PLSCR2: variants seen among roughly 807,000 people sequenced by gnomAD.
PLSCR2 encodes the protein PL scramblase 2.
A neutral mutation model predicts 25.3 loss-of-function variants in PLSCR2; 18 were observed. The observed-to-expected ratio is 0.71, with a 90% CI of 0.49 to 1.06. The LOEUF (loss-of-function observed/expected upper bound fraction) is 1.06. Among genes scored for constraint, PLSCR2 ranks in the 50% least tolerant of loss-of-function variants. PLSCR2 has a pLI of 0.00. For synonymous variants in PLSCR2, 88 were observed against 87.3 expected (o/e 1.01, Z -0.04); for missense variants, 243 against 269.5 (o/e 0.90, Z 0.69).
At chr3:146,430,069 G>A (rs1211583111), downstream of PLSCR2, among the ~76,000 whole-genome samples, 1 of 152,062 alleles carries the variant, frequency 6.6e-6, no homozygotes, top group Non-Finnish European at 1.5e-5. Context: ...ATTTAAAAGG[G>A]AGGCAAAGTA....
chr3:146,478,716 A>C lies in PLSCR2; in HGVS notation c.-293+17179T>G, dbSNP rs558908171. ...CTTCCCCAACCTAGCAAGGCAGGCC[A>C]ATGTTCAAATTCAGGAAACATAGAG... On this transcript the variant is annotated intron_variant, in intron 1 of 8. Transcript: ENST00000336685. Among the ~76,000 whole-genome samples, 14 of 152,322 alleles carry C rather than the reference A, an allele frequency of 9.2e-5. 1 individual carries two copies. The East Asian group carries it at 2.5e-3, about 27-fold the overall frequency.
chr3:146,402,867 C>T (rs1226478980), intron 2 of PLSCR2, among the ~76,000 whole-genome samples: 1 of 152,106 alleles, frequency 6.6e-6, no homozygotes, highest in African/African-American at 2.4e-5. Context: ...ATGTTTCTAT[C>T]CTGTGCCAAC....
intron 1 of PLSCR2, among the ~76,000 whole-genome samples, chr3:146,472,070 T>C (rs2042137032): frequency 6.6e-6 from 1 of 152,244 alleles, no homozygotes; most frequent in Non-Finnish European, 1.5e-5. Flanking sequence ...TTCCAAGCAG[T>C]TGGGAATGTC....
chr3:146,422,415 C>T (rs1212718772), intron 2 of PLSCR2, among the ~76,000 whole-genome samples: 1 of 151,870 alleles, frequency 6.6e-6, no homozygotes, highest in Non-Finnish European at 1.5e-5. Flanking sequence ...CCTTTTTCTC[C>T]ACCCACCCAG....
chr3:146,445,801 G>A (rs928683978), intron 6 of PLSCR2, among the ~76,000 whole-genome samples: 1 of 151,946 alleles, frequency 6.6e-6, no homozygotes, highest in African/African-American at 2.4e-5. Context: ...TTTTGAGGCT[G>A]TTTTCTGGAT....
At chr3:146,449,224 A>G (rs2040746091) in exon 6 of PLSCR2, 1 of 1,612,854 alleles carries the variant, frequency 6.2e-7, no homozygotes, top group Non-Finnish European at 8.5e-7. Context: ...AACAGGCACC[A>G]ATCATCACGG....
intron 6 of PLSCR2, among the ~76,000 whole-genome samples, chr3:146,448,529 C>A (rs1378309951): frequency 6.6e-6 from 1 of 152,072 alleles, no homozygotes; most frequent in South Asian, 2.1e-4. Flanking sequence ...TGAAAGTTAC[C>A]CAGGTGTTTC....
intron 1 of PLSCR2, 78 bp downstream of exon 1, chr3:146,469,417 A>G (rs1050333783): frequency 2.2e-6 from 2 of 910,730 alleles, no homozygotes; most frequent in African/African-American, 3.6e-5. Flanking sequence ...AAACACAATT[A>G]TGGGGCGGAG....
intron 2 of PLSCR2, among the ~76,000 whole-genome samples, chr3:146,416,100 A>C (rs1361940691): frequency 6.6e-6 from 1 of 151,944 alleles, no homozygotes. Flanking sequence ...ACAGGTGCCC[A>C]CCACCACGCC....
chr3:146,488,956 G>A (rs962998432), intron 1 of PLSCR2, among the ~76,000 whole-genome samples: 1 of 152,052 alleles, frequency 6.6e-6, no homozygotes, highest in African/African-American at 2.4e-5. Flanking sequence ...AAAGAATATG[G>A]TATATATACA....
At chr3:146,438,029 G>A (rs2039993557), downstream of PLSCR2, among the ~76,000 whole-genome samples, 2 of 152,056 alleles carry the variant, frequency 1.3e-5, no homozygotes, top group African/African-American at 4.8e-5. Flanking sequence ...ATTTCGTTAT[G>A]TACCCAGTAG....
At chr3:146,475,869 G>A (rs913204121) in intron 1 of PLSCR2, among the ~76,000 whole-genome samples, 5 of 151,904 alleles carry the variant, frequency 3.3e-5, no homozygotes, top group African/African-American at 1.2e-4. Context: ...GTCTTTTCTG[G>A]GTATGTGCAC....
downstream of PLSCR2, chr3:146,441,611 A>C: frequency 2.3e-6 from 1 of 435,034 alleles, no homozygotes; most frequent in Non-Finnish European, 4.1e-6. Context: ...GAATTTGAAA[A>C]GTGAAATTAT....
upstream of PLSCR2, chr3:146,461,788 C>G: frequency 1.4e-6 from 1 of 730,656 alleles, no homozygotes; most frequent in Non-Finnish European, 2.4e-6. Context: ...TAGGGAGACC[C>G]TTAGTAAGGA....
At chr3:146,422,252 T>C (rs2039177879) in intron 2 of PLSCR2, among the ~76,000 whole-genome samples, 1 of 152,084 alleles carries the variant, frequency 6.6e-6, no homozygotes, top group South Asian at 2.1e-4. Context: ...CTGCAGGAAT[T>C]GCTTGATAAT....
chr3:146,495,932 G>A lies in PLSCR2; in HGVS notation c.-330C>T, dbSNP rs190386406. On this transcript the variant is annotated 5_prime_UTR_variant, in exon 1 of 9. Transcript: ENST00000336685. Reference sequence around the variant, plus strand: ...TTTGAAAAGGCTTCATTCTCCATTCGGCCCACAATCCAGAGTCTCTCAGAA... The same window carrying A: ...TTTGAAAAGGCTTCATTCTCCATTCAGCCCACAATCCAGAGTCTCTCAGAA... 1,821 of 1,534,588 alleles carry A rather than the reference G, an allele frequency of 1.2e-3. 1 individual carries two copies. Among genetic ancestry groups the A allele is most frequent in the Non-Finnish European group, 1.4e-3 (1,656 of 1,145,652 alleles).
At chr3:146,393,808 C>CAAAAG (rs2038179065) in intron 3 of PLSCR2, among the ~76,000 whole-genome samples, 1 of 123,758 alleles carries the variant, frequency 8.1e-6, no homozygotes, top group Non-Finnish European at 1.7e-5. Flanking sequence ...GACTCCGTCT[C>CAAAAG]AAAAAAAAAA....
At chr3:146,434,503 G>C (rs1188979417) in intron 8 of PLSCR2, among the ~76,000 whole-genome samples, 1 of 151,508 alleles carries the variant, frequency 6.6e-6, no homozygotes, top group Non-Finnish European at 1.5e-5. Flanking sequence ...TATGCAACTA[G>C]TAAAAGGAAT....
intron 1 of PLSCR2, among the ~76,000 whole-genome samples, chr3:146,466,264 A>G (rs866736810): frequency 4.0e-4 from 61 of 152,248 alleles, no homozygotes; most frequent in Middle Eastern, 3.4e-3. Flanking sequence ...TCTGCCTCCT[A>G]GGTTCAAGCA....
Sources: allele counts gnomAD v4.1 joint callset (sites outside exome capture counted in the v4.1 genomes callset), GRCh38; gene constraint gnomAD v4.1.1; transcripts MANE v1.5; gene names NCBI Gene and HGNC (gene_info 2026-07-23, HGNC 2026-07-21).